The following NRXN2 variants were observed in gnomAD, a reference collection of about 807,000 sequenced individuals.
NRXN2 encodes the protein neurexin-2-beta.
A neutral mutation model predicts 128.8 loss-of-function variants in NRXN2; 29 were observed. The ratio of observed to expected loss-of-function variants is 0.23; its 90% CI spans 0.17 to 0.31. The LOEUF is 0.31. NRXN2 is among the 10% of genes least tolerant of loss of function. The pLI is 1.00. For missense variants in NRXN2, 1,881 were observed against 2,452.6 expected (o/e 0.77, Z 4.92); for synonymous variants, 1,098 against 1,075.2 (o/e 1.02, Z -0.41).
intron 2 of NRXN2, among the ~76,000 whole-genome samples, chr11:64,705,939 C>A (rs568597369): frequency 6.8e-6 from 1 of 146,136 alleles, no homozygotes; most frequent in African/African-American, 2.6e-5. Context: ...CCTTGCCACT[C>A]CCCAAGACAA....
At chr11:64,666,142 T>C (rs1325971476) in intron 9 of NRXN2, among the ~76,000 whole-genome samples, 1 of 151,994 alleles carries the variant, frequency 6.6e-6, no homozygotes, top group Non-Finnish European at 1.5e-5. Flanking sequence ...GCTGTCCATA[T>C]CTACAGAACC....
chr11:64,668,037 T>C (rs960579977), intron 8 of NRXN2, among the ~76,000 whole-genome samples: 3 of 152,232 alleles, frequency 2.0e-5, no homozygotes, highest in Non-Finnish European at 2.9e-5. Flanking sequence ...CACTCTCATG[T>C]GCCCCTCACA....
Position 64,660,692 on chromosome 11 carries a change from C to T in NRXN2, c.2185+61G>A. On this transcript the variant is annotated intron_variant, in intron 10 of 22. Coordinates refer to ENST00000265459, the MANE Select transcript of NRXN2 (RefSeq NM_015080.4). This position sits in a 1 kb window ranked among gnomAD's most constrained non-coding sequence, Gnocchi z 5.2. The stretch of plus-strand genomic sequence containing the variant: ...CACAGGGATGGAAAGTAGGAGTCAC[C>T]CTGAGAAGGAGGAGCACAGGGATAG... 6.2e-7 allele frequency: 1 copy of T among 1,603,250 alleles called. No homozygotes were observed. Among genetic ancestry groups the T allele is most frequent in the Non-Finnish European group, 8.5e-7 (1 of 1,179,546 alleles).
rs184559712 is a variant in NRXN2 at position 64,703,692 on chromosome 11, C to T, written c.731-5900G>A. 3.1e-3 allele frequency among the ~76,000 whole-genome samples: 473 copies of T among 152,244 alleles called. 2 individuals carry two copies. The highest frequency in any genetic ancestry group is 5.6e-3 in the Non-Finnish European group (378 of 68,028). ...TGGGAAAGCCCTGCCCTTTCCTTTC[C>T]ACCTCTATAACTCACACTCAGTCAT... On this transcript the variant is annotated intron_variant, in intron 2 of 22. Transcript: ENST00000265459.
chr11:64,702,654 C>T (rs1191314293), intron 2 of NRXN2, among the ~76,000 whole-genome samples: 1 of 151,804 alleles, frequency 6.6e-6, no homozygotes. Flanking sequence ...CCCAGGGACA[C>T]AAACACTGCG....
Position 64,713,199 on chromosome 11 carries a change from G to T in NRXN2, c.501C>A (p.Ser167Arg). ...GGAAGGGCGGCTCGTACTTGACGGT[G>T]CTCAGCGTAAGCGCCGAGAGGCGCA... ...PDVRLSALTL[S>R]TVKYEPPFRG... The change falls in exon 2 of 23, where the codon AGC (serine) becomes AGA (arginine). Residue 167 changes from serine to arginine, a missense_variant. By Grantham distance (110) the Ser-to-Arg change is moderately radical. This residue lies in a region of NRXN2 where 997 missense variants were observed against 1,240.8 expected (regional missense o/e 0.80). Transcript: ENST00000265459. The T allele has an allele frequency of 6.8e-7, 1 of 1,469,536 alleles. No individual in the cohort carries two copies. Among genetic ancestry groups the T allele is most frequent in the Middle Eastern group, 2.0e-4 (1 of 4,936 alleles). The allele number at this position is 1,469,536 out of a possible 1,614,324, so 91.0% of individuals were successfully genotyped here.
At chr11:64,721,373 G>T (rs890072944) in intron 1 of NRXN2, among the ~76,000 whole-genome samples, 4 of 151,920 alleles carry the variant, frequency 2.6e-5, no homozygotes, top group African/African-American at 9.7e-5. Context: ...AGAACTGCCC[G>T]GCAGCCGTGG....
At chr11:64,653,816 T>G in intron 11 of NRXN2, 94 bp from the exon 12 acceptor site, 13 of 952,802 alleles carry the variant, frequency 1.4e-5, no homozygotes, top group Admixed American at 2.3e-5. Context: ...GAGGGGTGTC[T>G]GCGGGCGGGG....
rs1404986332 is a variant in NRXN2, at chr11:64,667,114, G to T, written c.1798+136C>A. ...GAAAGGACAATTGGGAAGACGTGAG[G>T]GGGGTGGAGGAGAAGCGGCAGGGAA... On this transcript the variant is annotated intron_variant, in intron 9 of 22. Transcript: ENST00000265459. This position sits in a 1 kb window ranked among gnomAD's most constrained non-coding sequence, Gnocchi z 5.6. The T allele has an allele frequency of 1.1e-6, 1 of 879,262 alleles. No homozygotes were observed. Among genetic ancestry groups the T allele is most frequent in the Non-Finnish European group, 1.8e-6 (1 of 548,274 alleles). 54.5% of individuals were successfully genotyped at this position (879,262 alleles called of 1,614,324 possible). A position where few individuals can be genotyped will look rare whatever the true frequency, so the allele number is the denominator to read the frequency against.
At chr11:64,716,701 C>A (rs538200550) in intron 1 of NRXN2, among the ~76,000 whole-genome samples, 1 of 152,148 alleles carries the variant, frequency 6.6e-6, no homozygotes, top group South Asian at 2.1e-4. Flanking sequence ...CAGCCCACAG[C>A]TCTGCAGCAG....
chr11:64,676,988 T>A lies in NRXN2; in HGVS notation c.1197+5A>T. ...AAACGGTAAGACAATTAGAGTGATA[T>A]CTACCAGATAATGCAGTTTGTTTAC... On this transcript the variant is annotated splice_donor_5th_base_variant and intron_variant, in intron 7 of 22. Coordinates refer to ENST00000265459, the MANE Select transcript of NRXN2 (RefSeq NM_015080.4). The A allele has an allele frequency of 6.2e-7, 1 of 1,610,036 alleles. No individual in the cohort carries two copies. The highest frequency in any genetic ancestry group is 8.5e-7 in the Non-Finnish European group (1 of 1,178,240).
At chr11:64,613,207 T>C (rs1188723409) in intron 22 of NRXN2, among the ~76,000 whole-genome samples, 2 of 152,264 alleles carry the variant, frequency 1.3e-5, no homozygotes, top group Non-Finnish European at 2.9e-5. Context: ...TGTGCATGCA[T>C]GTATGTGAAC....
chr11:64,676,915 G>A, intron 7 of NRXN2, 78 bp downstream of exon 7: 1 of 1,215,540 alleles, frequency 8.2e-7, no homozygotes, highest in Non-Finnish European at 1.2e-6. Flanking sequence ...ACAGGGAGAG[G>A]AAACAAAAGA....
chr11:64,650,737 T>A, intron 14 of NRXN2, 99 bp from the exon 15 acceptor site: 1 of 1,182,820 alleles, frequency 8.5e-7, no homozygotes, highest in Non-Finnish European at 1.2e-6. Context: ...CTAGGTGCCA[T>A]GGGAAGAGGG....
Position 64,607,043 on chromosome 11 carries a change from T to G in NRXN2, c.*153A>C. Reference sequence around the variant, plus strand: ...CAGGAGGAAGGGGGCGAGCACGGGGTTTTTCCTTTTCTTTTTTTGCGTTTC... The same window carrying G: ...CAGGAGGAAGGGGGCGAGCACGGGGGTTTTCCTTTTCTTTTTTTGCGTTTC... On this transcript the variant is annotated 3_prime_UTR_variant, in exon 23 of 23. Coordinates refer to ENST00000265459, the MANE Select transcript of NRXN2 (RefSeq NM_015080.4). 3 of 800,752 alleles carry G rather than the reference T, an allele frequency of 3.7e-6. No homozygotes were observed. The highest frequency in any genetic ancestry group is 5.7e-6 in the Non-Finnish European group (3 of 524,230). The allele number at this position is 800,752 out of a possible 1,614,324, so 49.6% of individuals were successfully genotyped here. A position where few individuals can be genotyped will look rare whatever the true frequency, so the allele number is the denominator to read the frequency against.
intron 19 of NRXN2, among the ~76,000 whole-genome samples, chr11:64,628,837 T>A (rs1268535954): frequency 2.0e-5 from 3 of 152,110 alleles, no homozygotes; most frequent in African/African-American, 7.2e-5. Flanking sequence ...GGTTGGTGTG[T>A]GTTGAGTGTC....
rs1356948670 is a variant in NRXN2, at chr11:64,713,493, C to G, written c.207G>C (p.Leu69=). The part of the protein sequence containing the change: ...TNATRALLLY[L]DDGGDCDFLE... Reference sequence around the variant, plus strand: ...GGAAGTCGCAGTCGCCGCCGTCGTCCAGGTAGAGCAGCAGCGCGCGCGTGG... The same window carrying G: ...GGAAGTCGCAGTCGCCGCCGTCGTCGAGGTAGAGCAGCAGCGCGCGCGTGG... Residue 69 remains leucine (L), a synonymous_variant, in exon 2 of 23, where the codon CTG becomes CTC. Coordinates refer to ENST00000265459, the MANE Select transcript of NRXN2 (RefSeq NM_015080.4). 1.3e-6 allele frequency: 2 copies of G among 1,527,508 alleles called. No homozygotes were observed. The highest frequency in any genetic ancestry group is 2.4e-5 in the South Asian group (2 of 82,884). The allele number at this position is 1,527,508 out of a possible 1,614,324, so 94.6% of individuals were successfully genotyped here.
At chr11:64,687,014 A>G (rs1012598732) in intron 5 of NRXN2, among the ~76,000 whole-genome samples, 17 of 152,236 alleles carry the variant, frequency 1.1e-4, no homozygotes, top group African/African-American at 3.4e-4. Flanking sequence ...ATATGAAGTC[A>G]GGACAAACCA....
At chr11:64,649,951 ATGTGACCC>A (rs2047231498) in intron 15 of NRXN2, among the ~76,000 whole-genome samples, 1 of 151,876 alleles carries the variant, frequency 6.6e-6, no homozygotes, top group Non-Finnish European at 1.5e-5. Flanking sequence ...TGGCACCCTG[ATGTGACCC>A]TGAGCACACC....
Sources: gnomAD v4.1 joint callset for allele counts (sites outside exome capture counted in the v4.1 genomes callset) on GRCh38, gnomAD v4.1.1 for gene constraint, gnomAD v4.1.1 regional missense constraint, Gnocchi (gnomAD v3.1) non-coding constraint, MANE v1.5 for transcripts, NCBI Gene and HGNC (gene_info 2026-07-23, HGNC 2026-07-21) for gene names.